RNF135: variants seen among roughly 807,000 people sequenced by gnomAD.
RNF135 encodes ring finger protein 135, also known as E3 ubiquitin-protein ligase RNF135.
RNF135 carries 46 observed loss-of-function variants against 41.9 expected under a neutral mutation model. The observed-to-expected ratio is 1.10, with a 90% CI of 0.87 to 1.40. The LOEUF is 1.40. Among genes scored for constraint, RNF135 ranks in the 40% most tolerant of loss-of-function variants. RNF135 has a pLI of 0.00. For missense variants in RNF135, 539 were observed against 549.8 expected (o/e 0.98, Z 0.20); for synonymous variants, 238 against 223.8 (o/e 1.06, Z -0.57).
chr17:30,990,806 T>G (rs1230311894), intron 3 of RNF135, among the ~76,000 whole-genome samples: 1 of 152,244 alleles, frequency 6.6e-6, no homozygotes, highest in Admixed American at 6.5e-5. Context: ...AGTTAGGACA[T>G]TTTTCCTTGC....
chr17:30,996,475 G>A (rs753839072), intron 3 of RNF135, among the ~76,000 whole-genome samples: 1 of 152,108 alleles, frequency 6.6e-6, no homozygotes, highest in Non-Finnish European at 1.5e-5. Context: ...CTGGACACAG[G>A]GATTGCTTCA....
chr17:30,970,960 GA>G, upstream of RNF135: 10 of 1,445,610 alleles, frequency 6.9e-6, no homozygotes, highest in East Asian at 2.5e-5. Flanking sequence ...GGAAGGAGGA[GA>G]AAAGGCGGCC....
the RNF135 span, chr17:30,959,703 C>T: frequency 6.6e-6 from 1 of 152,092 alleles, no homozygotes; most frequent in Non-Finnish European, 1.5e-5. Context: ...TGGTGACCTC[C>T]CAGGAGTGAG....
At chr17:30,975,862 C>T (rs1446735914) in intron 1 of RNF135, 20 of 787,162 alleles carry the variant, frequency 2.5e-5, no homozygotes, top group Middle Eastern at 2.4e-4. Flanking sequence ...AAGCTCCTAA[C>T]GTATATGGCT....
At chr17:30,986,833 A>G (rs1468587694) in intron 2 of RNF135, among the ~76,000 whole-genome samples, 1 of 152,216 alleles carries the variant, frequency 6.6e-6, no homozygotes, top group Non-Finnish European at 1.5e-5. Context: ...AAAATGTGGG[A>G]TGTTATAATT....
intron 1 of RNF135, chr17:30,975,663 G>T: frequency 1.5e-6 from 2 of 1,337,452 alleles, no homozygotes; most frequent in Middle Eastern, 1.8e-4. Flanking sequence ...ATACCGGAGG[G>T]TGGAGTCACC....
At chr17:30,993,888 C>G (rs182006314) in intron 3 of RNF135, 1 of 666,588 alleles carries the variant, frequency 1.5e-6, no homozygotes, top group Admixed American at 2.5e-5. Context: ...ACTGCAGCCT[C>G]GATCTCTCAG....
At chr17:30,986,786 G>T (rs926587931) in intron 2 of RNF135, among the ~76,000 whole-genome samples, 9 of 152,198 alleles carry the variant, frequency 5.9e-5, no homozygotes, top group Non-Finnish European at 1.3e-4. Context: ...TTATTGTGAG[G>T]ATTAAAAGAG....
intron 1 of RNF135, among the ~76,000 whole-genome samples, chr17:30,984,100 T>G (rs1335888346): frequency 6.6e-6 from 1 of 152,346 alleles, no homozygotes. Flanking sequence ...TTTTGTGGAT[T>G]GCCTTTTTAC....
intron 1 of RNF135, among the ~76,000 whole-genome samples, chr17:30,977,176 A>G (rs1401208817): frequency 6.6e-6 from 1 of 152,198 alleles, no homozygotes; most frequent in Non-Finnish European, 1.5e-5. Flanking sequence ...TAAGCTGATA[A>G]CAACTTGACA....
At chr17:30,970,777 AT>A (rs746261218), upstream of RNF135, 3 of 498,236 alleles carry the variant, frequency 6.0e-6, no homozygotes, top group African/African-American at 2.0e-5. Flanking sequence ...ATGGAGGGAC[AT>A]CCAGCTAAAG....
chr17:30,989,984 C>CAAAAAAA (rs10627734), intron 3 of RNF135, among the ~76,000 whole-genome samples: 1 of 55,300 alleles, frequency 1.8e-5, no homozygotes, highest in Non-Finnish European at 4.3e-5. Context: ...AACTCTGTCT[C>CAAAAAAA]AAAAAAAAAA....
intron 1 of RNF135, chr17:30,975,346 A>T (rs1011712322): frequency 1.4e-6 from 1 of 715,434 alleles, no homozygotes; most frequent in Admixed American, 2.0e-5. Flanking sequence ...ATTGCTACTT[A>T]TGCCTGCACC....
chr17:30,961,111 C>A, the RNF135 span, among the ~76,000 whole-genome samples: 5 of 152,194 alleles, frequency 3.3e-5, no homozygotes, highest in African/African-American at 9.6e-5. Context: ...CTGCATGTGT[C>A]AATATGTCTT....
intron 1 of RNF135, among the ~76,000 whole-genome samples, chr17:30,983,353 A>ATATATTTTT (rs1420453160): frequency 1.1e-4 from 4 of 35,742 alleles, no homozygotes; most frequent in Admixed American, 4.8e-4. Context: ...ATATATATAT[A>ATATATTTTT]TTTTTTTTTT....
intron 2 of RNF135, among the ~76,000 whole-genome samples, chr17:30,987,592 A>G (rs1271214623): frequency 6.6e-6 from 1 of 152,204 alleles, no homozygotes; most frequent in Admixed American, 6.5e-5. Context: ...TTTATTTTAT[A>G]AAGCCCCTAT....
upstream of RNF135, chr17:30,970,223 T>C (rs928698529): frequency 2.6e-5 from 4 of 151,838 alleles, no homozygotes; most frequent in Non-Finnish European, 4.4e-5. Context: ...TTGGGTCATC[T>C]GGGAGGACGT....
At chr17:30,967,907 C>T (rs980840589), upstream of RNF135, among the ~76,000 whole-genome samples, 5 of 151,824 alleles carry the variant, frequency 3.3e-5, no homozygotes, top group Admixed American at 3.3e-4. Context: ...CCTCATGATC[C>T]GCCTGCCTCG....
chr17:30,989,864 G>A (rs1019808969), intron 3 of RNF135, among the ~76,000 whole-genome samples: 2 of 151,800 alleles, frequency 1.3e-5, no homozygotes, highest in Admixed American at 6.6e-5. Flanking sequence ...ACTGGGCATG[G>A]TGGTGGGTGC....
Sources: gnomAD v4.1 joint callset for allele counts (sites outside exome capture counted in the v4.1 genomes callset) on GRCh38, gnomAD v4.1.1 for gene constraint, MANE v1.5 for transcripts, NCBI Gene and HGNC (gene_info 2026-07-23, HGNC 2026-07-21) for gene names.